Variants in DLC1 observed in about 807,000 individuals in gnomAD.
DLC1 encodes DLC1 Rho GTPase activating protein.
Under a neutral mutation model 140.3 loss-of-function variants are expected in DLC1, and 54 were observed. The observed-to-expected ratio is 0.38, with a 90% confidence interval of 0.31 to 0.48. The LOEUF (loss-of-function observed/expected upper bound fraction) is 0.48, where lower values mean the gene tolerates loss of function less well. Among genes scored for constraint, DLC1 ranks in the 20% least tolerant of loss-of-function variants. The probability of loss-of-function intolerance (pLI) is 0.96; values close to 1 mark genes in which losing one functional copy is unlikely to be tolerated. For missense variants in DLC1, 2,536 were observed against 1,907.0 expected (o/e 1.33, Z -6.14); for synonymous variants, 986 against 728.1 (o/e 1.35, Z -5.70).
intron 5 of DLC1, among the ~76,000 whole-genome samples, chr8:13,141,760 C>T (rs967147472): frequency 1.3e-5 from 2 of 152,160 alleles, no homozygotes; most frequent in African/African-American, 2.4e-5. Flanking sequence ...ATGGAGCTGC[C>T]GTCTATCTTC....
intron 4 of DLC1, among the ~76,000 whole-genome samples, chr8:13,329,785 G>A (rs73216389): frequency 0.055 from 8,358 of 152,226 alleles, 285 homozygotes; most frequent in South Asian, 0.13. Flanking sequence ...AACAGGAGCT[G>A]TGTATGTATT....
At chr8:13,274,205 A>C (rs569868990) in intron 5 of DLC1, among the ~76,000 whole-genome samples, 2 of 152,312 alleles carry the variant, frequency 1.3e-5, no homozygotes, top group African/African-American at 4.8e-5. Context: ...AAGGGATGGA[A>C]GCAAGTGCTC....
rs564844681 is a variant in DLC1 at position 13,498,338 on chromosome 8, C to A, written c.1023+711G>T. On this transcript the variant is annotated intron_variant, in intron 2 of 17. Coordinates refer to ENST00000276297, the MANE Select transcript of DLC1 (RefSeq NM_182643.3). ...ATAATTCAGGTAGCACCATCTTAGCCCTTGCTTCTCTCACTTGAAAGCTTC... is the reference window on the plus strand; with the variant it reads ...ATAATTCAGGTAGCACCATCTTAGCACTTGCTTCTCTCACTTGAAAGCTTC... 2.0e-5 allele frequency among the ~76,000 whole-genome samples: 3 copies of A among 152,278 alleles called. No homozygotes were observed. In the East Asian group the frequency reaches 5.8e-4, roughly 29 times the overall value.
At chr8:13,385,382 T>C (rs1333229290) in intron 4 of DLC1, among the ~76,000 whole-genome samples, 1 of 152,200 alleles carries the variant, frequency 6.6e-6, no homozygotes, top group Non-Finnish European at 1.5e-5. Context: ...GGAGGTCATC[T>C]GGATTATACC....
intron 2 of DLC1, among the ~76,000 whole-genome samples, chr8:13,420,905 T>C (rs1255999069): frequency 6.6e-6 from 1 of 152,162 alleles, no homozygotes; most frequent in African/African-American, 2.4e-5. Context: ...AAGCCCCATG[T>C]GGCAGAAAGA....
rs1818790412 is a variant in DLC1, at chr8:13,099,404, G to C, written c.2933C>G (p.Ser978Cys). The change falls in exon 9 of 18, where the codon TCC (serine) becomes TGC (cysteine). Residue 978 changes from serine to cysteine, a missense_variant. By Grantham distance (112) the Ser-to-Cys change is moderately radical. Coordinates refer to ENST00000276297, the MANE Select transcript of DLC1 (RefSeq NM_182643.3). ...AGAATCCCTTCTTTCCGGGATCTCGGAGGGCTCTTCCGGTTCATTCAGGGA... is the reference window on the plus strand; with the variant it reads ...AGAATCCCTTCTTTCCGGGATCTCGCAGGGCTCTTCCGGTTCATTCAGGGA... ...GNSLNEPEEP[S>C]EIPERRDSGV... The C allele has an allele frequency of 6.2e-7, 1 of 1,614,086 alleles. No homozygotes were observed. Among genetic ancestry groups the C allele is most frequent in the East Asian group, 2.2e-5 (1 of 44,874 alleles).
intron 5 of DLC1, among the ~76,000 whole-genome samples, chr8:13,203,441 T>C (rs1827500830): frequency 6.6e-6 from 1 of 152,180 alleles, no homozygotes; most frequent in Non-Finnish European, 1.5e-5. Context: ...TAGAATTCTG[T>C]TGGAGATGAG....
intron 4 of DLC1, among the ~76,000 whole-genome samples, chr8:13,319,510 C>G (rs1833002022): frequency 3.1e-4 from 1 of 3,256 alleles, no homozygotes; most frequent in Admixed American, 8.3e-3. Context: ...TGCTGTTCTC[C>G]TGATAGTGAG....
intron 2 of DLC1, among the ~76,000 whole-genome samples, chr8:13,488,397 G>A (rs912194487): frequency 6.6e-6 from 1 of 152,128 alleles, no homozygotes; most frequent in African/African-American, 2.4e-5. Context: ...TAGCTATAAA[G>A]CCAGCATCAT....
chr8:13,202,731 G>T (rs970715438), intron 5 of DLC1, among the ~76,000 whole-genome samples: 10 of 151,658 alleles, frequency 6.6e-5, no homozygotes, highest in African/African-American at 2.4e-4. Context: ...TGGAGTGCAG[G>T]GGTGCTATTA....
chr8:13,421,949 A>G (rs375645000), intron 2 of DLC1, among the ~76,000 whole-genome samples: 2 of 152,218 alleles, frequency 1.3e-5, no homozygotes, highest in East Asian at 1.9e-4. Flanking sequence ...ATATGTTTCT[A>G]TGGTTTTTAA....
At chr8:13,334,867 C>T (rs999498035) in intron 4 of DLC1, among the ~76,000 whole-genome samples, 8 of 152,130 alleles carry the variant, frequency 5.3e-5, no homozygotes, top group African/African-American at 1.9e-4. Flanking sequence ...ATGTGGCAGG[C>T]GCTGCTCTAA....
At chr8:13,291,847 G>C (rs566608570) in intron 5 of DLC1, among the ~76,000 whole-genome samples, 1 of 152,298 alleles carries the variant, frequency 6.6e-6, no homozygotes, top group Admixed American at 6.5e-5. Context: ...GGAAATAATA[G>C]AGACAGAGCA....
Position 13,086,587 on chromosome 8 carries a change from C to A in DLC1, c.4293-124G>T, listed in dbSNP as rs1197192881. 57 of 1,085,744 alleles carry A rather than the reference C, an allele frequency of 5.2e-5. 1 individual carries two copies. The highest frequency in any genetic ancestry group is 3.2e-5 in the African/African-American group (2 of 62,888). 67.3% of individuals were successfully genotyped at this position (1,085,744 alleles called of 1,614,324 possible). A position where few individuals can be genotyped will look rare whatever the true frequency, so the allele number is the denominator to read the frequency against. On this transcript the variant is annotated intron_variant, in intron 16 of 17. Coordinates refer to ENST00000276297, the MANE Select transcript of DLC1 (RefSeq NM_182643.3). ...CAGGCTCAGTGGCCATGCTGTGTGACCCAGGCCTAGGTAAATGGCATCCTC... is the reference window on the plus strand; with the variant it reads ...CAGGCTCAGTGGCCATGCTGTGTGAACCAGGCCTAGGTAAATGGCATCCTC...
chr8:13,264,861 C>G (rs1830618968), intron 5 of DLC1, among the ~76,000 whole-genome samples: 1 of 152,298 alleles, frequency 6.6e-6, no homozygotes, highest in African/African-American at 2.4e-5. Flanking sequence ...AAAACAGCAA[C>G]TTAAGCCACA....
rs1294535712 is a variant in DLC1 at position 13,499,820 on chromosome 8, A to C, written c.252T>G (p.Asp84Glu). 1.9e-6 allele frequency: 3 copies of C among 1,614,076 alleles called. No homozygotes were observed. The East Asian group carries it at 6.7e-5, about 36-fold the overall frequency. ...PGRPMGHLSK[D>E]VDENDSHEGE... ...CTTCATGGCTGTCATTTTCGTCCAC[A>C]TCCTTTGAAAGATGACCCATTGGCC... The change falls in exon 2 of 18, where the codon GAT (aspartate) becomes GAG (glutamate). Residue 84 changes from aspartate (D) to glutamate (E), a missense_variant. Transcript: ENST00000276297.
chr8:13,187,651 A>T (rs369152281), intron 5 of DLC1, among the ~76,000 whole-genome samples: 1 of 152,226 alleles, frequency 6.6e-6, no homozygotes, highest in African/African-American at 2.4e-5. Flanking sequence ...TGGAGATACT[A>T]TGTGGGAAGC....
At chr8:13,304,558 T>C (rs1472106782) in intron 5 of DLC1, 2 of 593,844 alleles carry the variant, frequency 3.4e-6, no homozygotes, top group Non-Finnish European at 4.2e-6. Context: ...CTATAAACTT[T>C]TAATATAGCT....
At chr8:13,162,293 A>G (rs1000940372) in intron 5 of DLC1, among the ~76,000 whole-genome samples, 3 of 148,108 alleles carry the variant, frequency 2.0e-5, no homozygotes, top group Non-Finnish European at 4.4e-5. Flanking sequence ...TGGCAACTCA[A>G]TGATGGTAGT....
Sources: allele counts gnomAD v4.1 joint callset (sites outside exome capture counted in the v4.1 genomes callset), GRCh38; gene constraint gnomAD v4.1.1; transcripts MANE v1.5; gene names NCBI Gene and HGNC (gene_info 2026-07-23, HGNC 2026-07-21).